ARHGEF4: variants seen among roughly 807,000 people sequenced by gnomAD.
ARHGEF4 encodes the protein Rho guanine nucleotide exchange factor 4.
A neutral mutation model predicts 162.0 loss-of-function variants in ARHGEF4; 119 were observed. That is an observed-to-expected ratio of 0.73 (90% CI 0.63 to 0.86). The LOEUF is 0.86. Ranked by LOEUF, ARHGEF4 falls within the 40% of genes least tolerant of loss-of-function variation. ARHGEF4 has a pLI of 0.00. For synonymous variants in ARHGEF4, 1,014 were observed against 979.9 expected (o/e 1.03, Z -0.65); for missense variants, 2,488 against 2,456.0 (o/e 1.01, Z -0.28).
intron 1 of ARHGEF4, among the ~76,000 whole-genome samples, chr2:130,910,940 T>G (rs1382425006): frequency 6.6e-6 from 1 of 152,160 alleles, no homozygotes; most frequent in Non-Finnish European, 1.5e-5. Flanking sequence ...AACTAGTGGT[T>G]TTTAGAAGGG....
intron 2 of ARHGEF4, among the ~76,000 whole-genome samples, chr2:130,924,892 A>T (rs564965906): frequency 9.3e-4 from 142 of 152,268 alleles, no homozygotes; most frequent in African/African-American, 3.3e-3. Flanking sequence ...TCTATCAAGG[A>T]TTGGACCAAG....
intron 1 of ARHGEF4, among the ~76,000 whole-genome samples, chr2:130,881,414 G>A (rs1013778153): frequency 4.6e-5 from 7 of 152,140 alleles, no homozygotes; most frequent in African/African-American, 1.7e-4. Context: ...ATTAGTGTTG[G>A]GGGAGAGATG....
intron 3 of ARHGEF4, among the ~76,000 whole-genome samples, chr2:130,939,503 C>T (rs1057474094): frequency 1.3e-5 from 2 of 152,102 alleles, no homozygotes; most frequent in African/African-American, 4.8e-5. Flanking sequence ...ATGTACTGAG[C>T]CTTCATGTTG....
chr2:131,042,688 C>T (rs55908275), intron 10 of ARHGEF4, among the ~76,000 whole-genome samples: 7 of 152,314 alleles, frequency 4.6e-5, no homozygotes, highest in South Asian at 2.1e-4. Flanking sequence ...AGCTGTGAGG[C>T]GGGGCTGAGC....
At chr2:130,960,839 C>T (rs1053154866) in intron 4 of ARHGEF4, among the ~76,000 whole-genome samples, 1 of 152,154 alleles carries the variant, frequency 6.6e-6, no homozygotes, top group Non-Finnish European at 1.5e-5. Flanking sequence ...CATAGATCCC[C>T]TTTTCACACT....
intron 4 of ARHGEF4, among the ~76,000 whole-genome samples, chr2:130,968,102 A>T (rs1225822087): frequency 6.6e-6 from 1 of 151,590 alleles, no homozygotes; most frequent in African/African-American, 2.4e-5. Flanking sequence ...TCAAGCCCCC[A>T]CCCCCCAACC....
chr2:130,951,438 C>A (rs1448265081), intron 4 of ARHGEF4, among the ~76,000 whole-genome samples: 2 of 152,162 alleles, frequency 1.3e-5, no homozygotes, highest in African/African-American at 4.8e-5. Context: ...CATATTGTGT[C>A]TCATGAATAG....
chr2:131,034,279 C>T (rs189406608), intron 5 of ARHGEF4, among the ~76,000 whole-genome samples: 21 of 152,330 alleles, frequency 1.4e-4, no homozygotes, highest in African/African-American at 4.6e-4. Context: ...CCCCTGCAGT[C>T]TTCTTATCTC....
At chr2:131,039,854 T>TG (rs1441172465) in intron 6 of ARHGEF4, 162 bp from the exon 7 acceptor site, 10 of 1,428,736 alleles carry the variant, frequency 7.0e-6, no homozygotes, top group Non-Finnish European at 9.1e-6. Flanking sequence ...GTCCAGGACT[T>TG]GCGTGGGTGG....
chr2:131,041,668 A>C, intron 9 of ARHGEF4, 147 bp from the exon 10 acceptor site: 2 of 1,237,832 alleles, frequency 1.6e-6, no homozygotes, highest in South Asian at 2.9e-5. Flanking sequence ...TTTATGGAGA[A>C]GAGAGGGGCT....
intron 4 of ARHGEF4, among the ~76,000 whole-genome samples, chr2:130,982,989 T>A (rs1008656013): frequency 6.6e-6 from 1 of 152,198 alleles, no homozygotes; most frequent in Non-Finnish European, 1.5e-5. Context: ...ATATGAACAT[T>A]TTATATAGTT....
In ARHGEF4 at chr2:131,044,348, A is replaced by G; in HGVS notation, c.5207A>G (p.Asp1736Gly). Reference sequence around the variant, plus strand: ...TACTACAAGGGCCGGCTGGACATGGACGGCCTGGAGGTGGTGGACCTGGAG... The same window carrying G: ...TACTACAAGGGCCGGCTGGACATGGGCGGCCTGGAGGTGGTGGACCTGGAG... ...VLYYKGRLDM[D>G]GLEVVDLEDG... The change falls in exon 12 of 14, where the codon GAC (aspartate) becomes GGC (glycine). Residue 1736 changes from aspartate to glycine, a missense_variant. Physicochemically the swap from Asp to Gly is moderately conservative, Grantham distance 94 (BLOSUM62 -1). Transcript: ENST00000409359. The G allele has an allele frequency of 1.2e-6, 2 of 1,607,720 alleles. No individual in the cohort carries two copies. Among genetic ancestry groups the G allele is most frequent in the African/African-American group, 1.3e-5 (1 of 74,984 alleles).
chr2:130,968,036 T>A (rs1685113834), intron 4 of ARHGEF4, among the ~76,000 whole-genome samples: 1 of 152,222 alleles, frequency 6.6e-6, no homozygotes, highest in Non-Finnish European at 1.5e-5. Context: ...CCCACAAGAC[T>A]GACCTTAGTT....
intron 5 of ARHGEF4, among the ~76,000 whole-genome samples, chr2:131,031,801 C>T (rs1347545501): frequency 6.6e-6 from 1 of 152,232 alleles, no homozygotes. Context: ...TCCTCGCCCT[C>T]CCCCTTGACT....
chr2:130,967,960 G>A (rs999528723), intron 4 of ARHGEF4, among the ~76,000 whole-genome samples: 1 of 152,162 alleles, frequency 6.6e-6, no homozygotes, highest in Non-Finnish European at 1.5e-5. Context: ...GTGAAATATT[G>A]CCAACCAGAT....
intron 1 of ARHGEF4, among the ~76,000 whole-genome samples, chr2:130,912,729 T>A (rs866851668): frequency 6.6e-6 from 1 of 151,866 alleles, no homozygotes. Flanking sequence ...TGCACAGCAG[T>A]TTGTCAGAGT....
intron 1 of ARHGEF4, chr2:130,837,470 A>T (rs936110870): frequency 1.2e-5 from 4 of 345,096 alleles, no homozygotes; most frequent in Non-Finnish European, 2.3e-5. Flanking sequence ...CCAGGCTGAG[A>T]GTACGCGAGG....
At chr2:131,038,751 A>G (rs1690506379) in intron 5 of ARHGEF4, 102 bp from the exon 6 acceptor site, 2 of 1,341,952 alleles carry the variant, frequency 1.5e-6, no homozygotes, top group Middle Eastern at 2.7e-4. Context: ...TAAAGAAGTC[A>G]GGATCCCCTC....
intron 1 of ARHGEF4, among the ~76,000 whole-genome samples, chr2:130,910,437 G>A (rs13018242): frequency 0.53 from 80,989 of 151,984 alleles, 25,694 homozygotes; most frequent in East Asian, 0.78. Flanking sequence ...ATTACCACTG[G>A]TAATAAAGGA....
Sources: allele counts gnomAD v4.1 joint callset (sites outside exome capture counted in the v4.1 genomes callset), GRCh38; gene constraint gnomAD v4.1.1; transcripts MANE v1.5; gene names NCBI Gene and HGNC (gene_info 2026-07-23, HGNC 2026-07-21).